The following ACOT7 variants were observed in gnomAD, a reference collection of about 807,000 sequenced individuals.
ACOT7 encodes the protein acyl-CoA thioesterase 7, also known as cytosolic acyl coenzyme A thioester hydrolase.
Under a neutral mutation model 40.2 loss-of-function variants are expected in ACOT7, and 12 were observed. The observed-to-expected ratio is 0.30, with a 90% CI of 0.19 to 0.48. The LOEUF (loss-of-function observed/expected upper bound fraction) is 0.48. Ranked by LOEUF, ACOT7 falls within the 20% of genes least tolerant of loss-of-function variation. ACOT7 has a pLI of 0.99. For synonymous variants in ACOT7, 228 were observed against 219.5 expected, an observed-to-expected ratio of 1.04 and a Z score of -0.34; for missense variants, 395 against 530.8, an observed-to-expected ratio of 0.74 and a Z score of 2.51.
chr1:6,301,520 G>C lies in ACOT7; in HGVS notation c.713-6540C>G, dbSNP rs1557639666. ...ACCCCCAGACCACACTGCATGATGT[G>C]ACATGGACGCCTGCACTGGGTGAGG... On this transcript the variant is annotated intron_variant, in intron 6 of 8. Transcript: ENST00000361521. This position sits in a 1 kb window ranked among gnomAD's most constrained non-coding sequence, Gnocchi z 4.1. Among the ~76,000 whole-genome samples, 2 of 152,190 alleles carry C rather than the reference G, an allele frequency of 1.3e-5. No individual in the cohort carries two copies. The highest frequency in any genetic ancestry group is 1.5e-5 in the Non-Finnish European group (1 of 68,030).
chr1:6,314,095 C>T (rs1347575764), intron 6 of ACOT7, among the ~76,000 whole-genome samples: 2 of 152,282 alleles, frequency 1.3e-5, no homozygotes, highest in Admixed American at 1.3e-4. Context: ...GGAACAGTTC[C>T]GTGGCAGGCA....
intron 8 of ACOT7, among the ~76,000 whole-genome samples, chr1:6,269,502 C>T (rs938351046): frequency 6.6e-6 from 1 of 152,232 alleles, no homozygotes; most frequent in African/African-American, 2.4e-5. Context: ...TGCCACAGGC[C>T]GAGGGCTGTG....
At chr1:6,348,128 T>G (rs1285609895) in intron 2 of ACOT7, among the ~76,000 whole-genome samples, 1 of 151,912 alleles carries the variant, frequency 6.6e-6, no homozygotes, top group Non-Finnish European at 1.5e-5. Context: ...GGGTGCTCTC[T>G]GAACGTGACT....
intron 4 of ACOT7, among the ~76,000 whole-genome samples, chr1:6,332,350 A>G (rs973253473): frequency 3.3e-5 from 5 of 152,170 alleles, no homozygotes; most frequent in Non-Finnish European, 7.4e-5. Context: ...GGACTTGCCA[A>G]TGAACTTGGG....
At chr1:6,351,400 G>GT (rs1458640176) in intron 1 of ACOT7, among the ~76,000 whole-genome samples, 3 of 152,234 alleles carry the variant, frequency 2.0e-5, no homozygotes, top group Admixed American at 6.5e-5. Context: ...AAATACCTTT[G>GT]TTTTTAAAAA....
At chr1:6,297,313 C>T (rs1447408074) in intron 6 of ACOT7, among the ~76,000 whole-genome samples, 1 of 152,196 alleles carries the variant, frequency 6.6e-6, no homozygotes, top group Non-Finnish European at 1.5e-5. Context: ...GCTGGGATTA[C>T]AGGTGTGAGC....
chr1:6,276,480 TA>T (rs1427127533), intron 8 of ACOT7, among the ~76,000 whole-genome samples: 10 of 151,506 alleles, frequency 6.6e-5, no homozygotes, highest in Non-Finnish European at 1.0e-4. Flanking sequence ...GCCCCCAGCA[TA>T]AAATATTCAT....
intron 1 of ACOT7, among the ~76,000 whole-genome samples, chr1:6,371,110 G>A (rs1457177586): frequency 6.6e-6 from 1 of 152,064 alleles, no homozygotes; most frequent in African/African-American, 2.4e-5. Flanking sequence ...CACCCGGCCT[G>A]ATCAGTATTA....
At chr1:6,295,149 A>C in intron 6 of ACOT7, 169 bp from the exon 7 acceptor site, 2 of 523,970 alleles carry the variant, frequency 3.8e-6, no homozygotes, top group Non-Finnish European at 3.4e-6. Context: ...CTCACGCGCT[A>C]CATGGGGCTT....
chr1:6,283,400 G>A (rs1183510242), intron 7 of ACOT7, among the ~76,000 whole-genome samples: 2 of 152,184 alleles, frequency 1.3e-5, no homozygotes, highest in South Asian at 2.1e-4. Context: ...GGCCTCAAGT[G>A]ATCCAACTGC....
chr1:6,278,671 C>T lies in ACOT7; in HGVS notation c.1014+2431G>A, dbSNP rs1399231010. ...GTCAATACAACACACAGGCGATGCT[C>T]GAGGCACAGACCATGGATCTGACCA... On this transcript the variant is annotated intron_variant, in intron 8 of 8. Coordinates refer to ENST00000361521, the MANE Select transcript of ACOT7 (RefSeq NM_007274.4). The surrounding 1 kb of genome is among the most constrained non-coding windows in gnomAD (Gnocchi z 4.1). 3.3e-5 allele frequency among the ~76,000 whole-genome samples: 5 copies of T among 152,140 alleles called. No homozygotes were observed. The highest frequency in any genetic ancestry group is 7.3e-5 in the Non-Finnish European group (5 of 68,028).
rs139481950 is a variant in ACOT7, at chr1:6,309,265, G to A, written c.712+9227C>T. Among the ~76,000 whole-genome samples the A allele has an allele frequency of 4.3e-4, 65 of 152,300 alleles. No homozygotes were observed. In the East Asian group the frequency reaches 0.012, roughly 27 times the overall value. ...GGTGCTTGGACTTGGACGGGACAGC[G>A]GAACAAGCTCTGATGGCCCAAACTT... On this transcript the variant is annotated intron_variant, in intron 6 of 8. Coordinates refer to ENST00000361521, the MANE Select transcript of ACOT7 (RefSeq NM_007274.4).
In ACOT7 at chr1:6,278,080, G is replaced by T. The variant is rs534447470; in HGVS notation, c.1014+3022C>A. 1.3e-5 allele frequency among the ~76,000 whole-genome samples: 2 copies of T among 150,724 alleles called. No individual in the cohort carries two copies. The highest frequency in any genetic ancestry group is 4.9e-5 in the African/African-American group (2 of 40,864). On this transcript the variant is annotated intron_variant, in intron 8 of 8. Coordinates refer to ENST00000361521, the MANE Select transcript of ACOT7 (RefSeq NM_007274.4). This position sits in a 1 kb window ranked among gnomAD's most constrained non-coding sequence, Gnocchi z 4.1. The stretch of plus-strand genomic sequence containing the variant: ...TGACAGTCCACGCAGCGTCTGCAGT[G>T]GCGGGGGGTGGTTGGGAGGGGGTCT...
intron 1 of ACOT7, among the ~76,000 whole-genome samples, chr1:6,382,723 GGAGGATCACTTGAGGTA>G (rs1313335326): frequency 2.0e-5 from 3 of 151,696 alleles, no homozygotes; most frequent in Non-Finnish European, 4.4e-5. Context: ...GGCTGAGGCA[GGAGGATCACTTGAGGTA>G]GAGGCTCAGT....
intron 1 of ACOT7, among the ~76,000 whole-genome samples, chr1:6,371,935 C>T (rs1642140556): frequency 6.6e-6 from 1 of 151,908 alleles, no homozygotes; most frequent in South Asian, 2.1e-4. Flanking sequence ...GACCCAGCTA[C>T]TCGGGAGGCT....
chr1:6,339,556 G>C lies in ACOT7; in HGVS notation c.295C>G (p.Arg99Gly). Residue 99 changes from arginine (R) to glycine (G), a missense_variant, in exon 3 of 9, where the codon CGC becomes GGC. By Grantham distance (125) the Arg-to-Gly change is moderately radical. This residue lies in a region of ACOT7 where 309 missense variants were observed against 470.3 expected (regional missense o/e 0.66). Coordinates refer to ENST00000361521, the MANE Select transcript of ACOT7 (RefSeq NM_007274.4). ...RCVAALARVE[R>G]TDFLSPMCIG... ...CACATGGGAGACAGGAAGTCGGTGC[G>C]CTCGACACGAGCCAGGGCGGCCACA... is the stretch of plus-strand genomic sequence containing the variant. 6.2e-7 allele frequency: 1 copy of C among 1,613,470 alleles called. No individual in the cohort carries two copies. The highest frequency in any genetic ancestry group is 8.5e-7 in the Non-Finnish European group (1 of 1,180,000).
intron 1 of ACOT7, among the ~76,000 whole-genome samples, chr1:6,356,033 C>T (rs1641734378): frequency 9.2e-5 from 14 of 152,198 alleles, no homozygotes; most frequent in Admixed American, 9.2e-4. Context: ...AGAACGAACC[C>T]CCAGAAACTA....
chr1:6,306,348 T>C lies in ACOT7; in HGVS notation c.713-11368A>G. 2 of 985,290 alleles carry C rather than the reference T, an allele frequency of 2.0e-6. No individual in the cohort carries two copies. The highest frequency in any genetic ancestry group is 9.4e-5 in the South Asian group (2 of 21,274). The allele number at this position is 985,290 out of a possible 1,614,324, so 61.0% of individuals were successfully genotyped here. ...ACGTGCTGGCCACCAGGGACCCGGCTGAGAGGAGGACCCAGTGTGGGCAGG... is the reference window on the plus strand; with the variant it reads ...ACGTGCTGGCCACCAGGGACCCGGCCGAGAGGAGGACCCAGTGTGGGCAGG... On this transcript the variant is annotated intron_variant, in intron 6 of 8. Coordinates refer to ENST00000361521, the MANE Select transcript of ACOT7 (RefSeq NM_007274.4). The surrounding 1 kb of genome is among the most constrained non-coding windows in gnomAD (Gnocchi z 4.3).
chr1:6,285,704 G>A lies in ACOT7; in HGVS notation c.830-4418C>T, dbSNP rs1414994063. On this transcript the variant is annotated intron_variant, in intron 7 of 8. Transcript: ENST00000361521. ...CTCTCGGGAGCCCTGAACCTGACAGGAAAGGCAGAGGCAGGGCCCGACAAG... is the reference window on the plus strand; with the variant it reads ...CTCTCGGGAGCCCTGAACCTGACAGAAAAGGCAGAGGCAGGGCCCGACAAG... 8.5e-5 allele frequency among the ~76,000 whole-genome samples: 13 copies of A among 152,222 alleles called. 1 individual carries two copies. The highest frequency in any genetic ancestry group is 1.9e-4 in the Non-Finnish European group (13 of 68,040).
Sources: gnomAD v4.1 joint callset for allele counts (sites outside exome capture counted in the v4.1 genomes callset) on GRCh38, gnomAD v4.1.1 for gene constraint, gnomAD v4.1.1 regional missense constraint, Gnocchi (gnomAD v3.1) non-coding constraint, MANE v1.5 for transcripts, NCBI Gene and HGNC (gene_info 2026-07-23, HGNC 2026-07-21) for gene names.